MCTP1: variants seen among roughly 807,000 people sequenced by gnomAD.
The protein encoded by MCTP1 is multiple C2 and transmembrane domain containing 1.
MCTP1 carries 69 observed loss-of-function variants against 120.6 expected under a neutral mutation model. The observed-to-expected ratio is 0.57, with a 90% CI of 0.47 to 0.70. The LOEUF (loss-of-function observed/expected upper bound fraction) is 0.70. MCTP1 is among the 30% of genes least tolerant of loss of function. The probability of loss-of-function intolerance (pLI) is 0.00; values close to 1 mark genes in which losing one functional copy is unlikely to be tolerated. For synonymous variants in MCTP1, 529 were observed against 493.1 expected, an observed-to-expected ratio of 1.07 and a Z score of -0.96; for missense variants, 1,203 against 1,248.8, an observed-to-expected ratio of 0.96 and a Z score of 0.55.
At chr5:95,257,796 T>TACACACACACACACACACACACAC (rs369408591) in intron 1 of MCTP1, among the ~76,000 whole-genome samples, 87 of 125,416 alleles carry the variant, frequency 6.9e-4, no homozygotes, top group African/African-American at 1.6e-3. Context: ...CCAGAAAACA[T>TACACACACACACACACACACACAC]ACACACACAC....
At chr5:95,219,209 G>A (rs1753386525) in intron 1 of MCTP1, among the ~76,000 whole-genome samples, 1 of 151,788 alleles carries the variant, frequency 6.6e-6, no homozygotes, top group Admixed American at 6.6e-5. Flanking sequence ...GTGAAACCCC[G>A]TCTCTACTAA....
intron 17 of MCTP1, among the ~76,000 whole-genome samples, chr5:94,842,010 C>T (rs1435670238): frequency 6.6e-6 from 1 of 152,198 alleles, no homozygotes; most frequent in Non-Finnish European, 1.5e-5. Context: ...CCTTAGCACT[C>T]TCTGCACATT....
chr5:95,021,813 G>A (rs896836229), intron 1 of MCTP1, among the ~76,000 whole-genome samples: 1 of 151,952 alleles, frequency 6.6e-6, no homozygotes, highest in Admixed American at 6.6e-5. Flanking sequence ...GTGAAAAATG[G>A]TGAAAACAGT....
chr5:95,148,497 T>G (rs1443874844), intron 1 of MCTP1, among the ~76,000 whole-genome samples: 2 of 152,236 alleles, frequency 1.3e-5, no homozygotes, highest in Non-Finnish European at 2.9e-5. Flanking sequence ...TTAATGCTTC[T>G]GATTACATTG....
At chr5:95,076,979 C>T (rs1465378563) in intron 1 of MCTP1, among the ~76,000 whole-genome samples, 1 of 152,108 alleles carries the variant, frequency 6.6e-6, no homozygotes, top group Non-Finnish European at 1.5e-5. Context: ...GAAACAATAA[C>T]ATCTTAATAC....
chr5:95,193,959 T>G (rs1029749676), intron 1 of MCTP1, among the ~76,000 whole-genome samples: 5 of 152,116 alleles, frequency 3.3e-5, no homozygotes, highest in African/African-American at 1.2e-4. Context: ...GCTTGTAACC[T>G]CAACACTTTA....
At chr5:94,988,069 A>T (rs949482742) in intron 2 of MCTP1, among the ~76,000 whole-genome samples, 1 of 146,662 alleles carries the variant, frequency 6.8e-6, no homozygotes, top group Non-Finnish European at 1.5e-5. Context: ...AAGCAGAATG[A>T]TCACATTCAA....
At chr5:95,005,406 A>G (rs1834514098) in intron 2 of MCTP1, among the ~76,000 whole-genome samples, 1 of 125,570 alleles carries the variant, frequency 8.0e-6, no homozygotes, top group African/African-American at 2.8e-5. Flanking sequence ...TTAAAATGTG[A>G]GAAGGACATG....
chr5:94,826,370 G>A, intron 17 of MCTP1: 1 of 585,762 alleles, frequency 1.7e-6, no homozygotes, highest in Non-Finnish European at 3.1e-6. Context: ...CAAAGAAGCT[G>A]CAACAGCTTT....
chr5:95,130,162 A>G (rs1322554590), intron 1 of MCTP1, among the ~76,000 whole-genome samples: 3 of 152,130 alleles, frequency 2.0e-5, no homozygotes, highest in African/African-American at 7.2e-5. Context: ...CTTGCAGACA[A>G]CTTCTCAGCT....
chr5:95,113,679 G>A (rs1001107501), intron 1 of MCTP1, among the ~76,000 whole-genome samples: 1 of 152,136 alleles, frequency 6.6e-6, no homozygotes, highest in Non-Finnish European at 1.5e-5. Flanking sequence ...AGTACTCTGG[G>A]ACTCTAAATA....
At chr5:95,180,652 T>C (rs909213401) in intron 1 of MCTP1, among the ~76,000 whole-genome samples, 13 of 152,142 alleles carry the variant, frequency 8.5e-5, no homozygotes, top group African/African-American at 2.9e-4. Context: ...TAACTCCCTA[T>C]ATGATTCTCA....
Position 94,815,863 on chromosome 5 carries a change from G to T in MCTP1, c.2437-16731C>A, listed in dbSNP as rs183929528. Among the ~76,000 whole-genome samples the T allele has an allele frequency of 1.3e-4, 20 of 152,296 alleles. 1 individual carries two copies. In the East Asian group the frequency reaches 3.9e-3, roughly 29 times the overall value. On this transcript the variant is annotated intron_variant, in intron 17 of 22. Transcript: ENST00000515393. ...TAAATGGAATGGAGCTGGTGTCAAAGAGAGGGCAATATGCGACCTAAAAGC... is the reference window on the plus strand; with the variant it reads ...TAAATGGAATGGAGCTGGTGTCAAATAGAGGGCAATATGCGACCTAAAAGC...
chr5:95,022,631 A>G (rs1175891281), intron 1 of MCTP1, among the ~76,000 whole-genome samples: 13 of 152,124 alleles, frequency 8.5e-5, no homozygotes, highest in Non-Finnish European at 4.4e-5. Context: ...CATCAATGGG[A>G]ATCTAAATAA....
intron 1 of MCTP1, among the ~76,000 whole-genome samples, chr5:95,134,349 T>C (rs1238311388): frequency 6.6e-6 from 1 of 152,200 alleles, no homozygotes; most frequent in Non-Finnish European, 1.5e-5. Flanking sequence ...TAGGCAAGAT[T>C]ACATATAAAA....
intron 1 of MCTP1, among the ~76,000 whole-genome samples, chr5:95,114,574 A>G (rs1489397359): frequency 6.6e-6 from 1 of 152,158 alleles, no homozygotes; most frequent in African/African-American, 2.4e-5. Flanking sequence ...CTGCCTGTGG[A>G]AAGGGGAGGG....
rs1042529186 is a variant in MCTP1, at chr5:95,123,255, A to G, written c.721-105771T>C. 2.6e-5 allele frequency among the ~76,000 whole-genome samples: 4 copies of G among 152,198 alleles called. No homozygotes were observed. In the East Asian group the frequency reaches 7.7e-4, roughly 29 times the overall value. The stretch of plus-strand genomic sequence containing the variant: ...CCATAAATATGTATATCTACTATGT[A>G]CCCACAAAAATTAAAAATAAAATCT... On this transcript the variant is annotated intron_variant, in intron 1 of 22. Coordinates refer to ENST00000515393, the MANE Select transcript of MCTP1 (RefSeq NM_024717.7).
At chr5:94,998,343 A>G (rs1042710943) in intron 2 of MCTP1, among the ~76,000 whole-genome samples, 17 of 152,218 alleles carry the variant, frequency 1.1e-4, no homozygotes, top group Non-Finnish European at 2.4e-4. Flanking sequence ...TCTCAAGAGA[A>G]AATCGAGTAG....
At chr5:94,871,471 C>G (rs1797850788) in intron 13 of MCTP1, 54 bp from the exon 14 acceptor site, 2 of 1,291,376 alleles carry the variant, frequency 1.5e-6, no homozygotes, top group South Asian at 1.2e-5. Context: ...GAAACAACAA[C>G]AAGAATAGTT....
Sources: gnomAD v4.1 joint callset for allele counts (sites outside exome capture counted in the v4.1 genomes callset) on GRCh38, gnomAD v4.1.1 for gene constraint, MANE v1.5 for transcripts, NCBI Gene and HGNC (gene_info 2026-07-23, HGNC 2026-07-21) for gene names.